Variants in LANCL2 observed in about 807,000 individuals in gnomAD.
LANCL2 encodes LanC like glutathione S-transferase 2.
LANCL2 carries 33 observed loss-of-function variants against 56.9 expected under a neutral mutation model. The ratio of observed to expected loss-of-function variants is 0.58; its 90% confidence interval spans 0.44 to 0.78. LANCL2 has a LOEUF of 0.78. LANCL2 is among the 30% of genes least tolerant of loss of function. The pLI, the probability that LANCL2 is intolerant of heterozygous loss-of-function variation, is 0.00. For missense variants in LANCL2, 562 were observed against 580.2 expected, an observed-to-expected ratio of 0.97 and a Z score of 0.32; for synonymous variants, 233 against 228.2, an observed-to-expected ratio of 1.02 and a Z score of -0.19.
At chr7:55,370,721 C>T (rs949954516) in intron 1 of LANCL2, among the ~76,000 whole-genome samples, 1 of 152,098 alleles carries the variant, frequency 6.6e-6, no homozygotes, top group Non-Finnish European at 1.5e-5. Flanking sequence ...TTTCTAGGCT[C>T]AGTTAGGGAA....
At chr7:55,366,427 C>A (rs1789871115) in intron 1 of LANCL2, among the ~76,000 whole-genome samples, 198 bp downstream of exon 1, 1 of 152,252 alleles carries the variant, frequency 6.6e-6, no homozygotes, top group Admixed American at 6.5e-5. Context: ...AACCACGTTC[C>A]AGCAGTTCGG....
At chr7:55,405,352 A>G (rs1434398067) in intron 5 of LANCL2, among the ~76,000 whole-genome samples, 1 of 152,218 alleles carries the variant, frequency 6.6e-6, no homozygotes, top group Admixed American at 6.5e-5. Flanking sequence ...GACTGAGTCC[A>G]CACCGTTCAA....
chr7:55,387,735 G>T (rs1790140858), intron 1 of LANCL2, among the ~76,000 whole-genome samples: 1 of 151,960 alleles, frequency 6.6e-6, no homozygotes, highest in African/African-American at 2.4e-5. Flanking sequence ...TCTCCTTCAT[G>T]AACCTTTTCA....
intron 1 of LANCL2, among the ~76,000 whole-genome samples, chr7:55,372,178 TTTCAG>T (rs1472011192): frequency 6.6e-6 from 1 of 152,228 alleles, no homozygotes; most frequent in African/African-American, 2.4e-5. Context: ...TCCAGCCAGT[TTTCAG>T]TTCCTGATGT....
At chr7:55,417,691 C>CT (rs544316117) in intron 6 of LANCL2, among the ~76,000 whole-genome samples, 5 of 151,196 alleles carry the variant, frequency 3.3e-5, no homozygotes, top group East Asian at 1.9e-4. Flanking sequence ...TAACTGACAT[C>CT]TTTTTTTTTG....
chr7:55,374,513 T>G (rs1202319794), intron 1 of LANCL2, among the ~76,000 whole-genome samples: 3 of 152,238 alleles, frequency 2.0e-5, no homozygotes, highest in Admixed American at 6.5e-5. Context: ...TTCACTACCA[T>G]CTAATTCTTT....
At chr7:55,370,444 C>A (rs972116645) in intron 1 of LANCL2, among the ~76,000 whole-genome samples, 2 of 152,188 alleles carry the variant, frequency 1.3e-5, no homozygotes, top group African/African-American at 4.8e-5. Context: ...ACTGTAGAGT[C>A]CTCAGCCAGG....
Position 55,433,461 on chromosome 7 carries a change from C to A in LANCL2, c.*2141C>A, listed in dbSNP as rs767647865. The stretch of plus-strand genomic sequence containing the variant: ...GTAACATGTGACAGTAATTCCAGCT[C>A]GGTCCCTCCAGGCAAAGGAGAAACG... On this transcript the variant is annotated 3_prime_UTR_variant, in exon 9 of 9. Transcript: ENST00000254770. 6.6e-6 allele frequency: 1 copy of A among 152,184 alleles called. No individual in the cohort carries two copies. The highest frequency in any genetic ancestry group is 2.4e-5 in the African/African-American group (1 of 41,446). 9.4% of individuals were successfully genotyped at this position (152,184 alleles called of 1,614,324 possible).
chr7:55,386,618 G>A (rs1013417026), intron 1 of LANCL2, among the ~76,000 whole-genome samples: 13 of 152,284 alleles, frequency 8.5e-5, no homozygotes, highest in Middle Eastern at 3.4e-3. Context: ...GAAGAAAGAC[G>A]GACTTTAGCT....
chr7:55,401,515 CTTTTTTTTTT>C (rs58005456), intron 5 of LANCL2, among the ~76,000 whole-genome samples, 195 bp downstream of exon 5: 40 of 58,040 alleles, frequency 6.9e-4, no homozygotes, highest in South Asian at 1.7e-3. Context: ...GGTATGGAGT[CTTTTTTTTTT>C]TTTTTTTTTT....
rs144459758 is a variant in LANCL2 at position 55,412,047 on chromosome 7, C to T, written c.966C>T (p.His322=). Residue 322 remains histidine (H), a synonymous_variant, in exon 6 of 9, where the codon CAC becomes CAT. Transcript: ENST00000254770. Reference sequence around the variant, plus strand: ...CAGACCGGCTGGTGCACTGGTGCCACGGCGCCCCGGGGGTCATCCACATGC... The same window carrying T: ...CAGACCGGCTGGTGCACTGGTGCCATGGCGCCCCGGGGGTCATCCACATGC... The part of the protein sequence containing the change: ...NETDRLVHWC[H]GAPGVIHMLM... The T allele has an allele frequency of 1.1e-5, 18 of 1,614,068 alleles. No homozygotes were observed. The East Asian group carries it at 2.7e-4, about 24-fold the overall frequency.
At chr7:55,410,751 C>T (rs768780580) in intron 5 of LANCL2, among the ~76,000 whole-genome samples, 2 of 152,034 alleles carry the variant, frequency 1.3e-5, no homozygotes, top group Non-Finnish European at 2.9e-5. Context: ...GCTAATATGT[C>T]ACCCTAAGAC....
Position 55,410,628 on chromosome 7 carries a change from A to G in LANCL2, c.826-1279A>G, listed in dbSNP as rs1790459829. ...AAAGCCAAGTGAAAAATCAGTGGCCAGAGGCGGGTTCTCTATCTCAGACTT... is the reference window on the plus strand; with the variant it reads ...AAAGCCAAGTGAAAAATCAGTGGCCGGAGGCGGGTTCTCTATCTCAGACTT... On this transcript the variant is annotated intron_variant, in intron 5 of 8. Transcript: ENST00000254770. Among the ~76,000 whole-genome samples the G allele has an allele frequency of 2.0e-5, 3 of 152,270 alleles. No homozygotes were observed. The South Asian group carries it at 6.2e-4, about 31-fold the overall frequency.
At chr7:55,428,560 TA>T in intron 8 of LANCL2, 113 bp downstream of exon 8, 1 of 796,264 alleles carries the variant, frequency 1.3e-6, no homozygotes, top group South Asian at 1.5e-5. Flanking sequence ...TTCCAAACTG[TA>T]AAATAATCAG....
In LANCL2 at chr7:55,366,029, G is replaced by A. The variant is rs1562853507; in HGVS notation, c.4G>A (p.Gly2Ser). The change falls in exon 1 of 9, where the codon GGC (glycine) becomes AGC (serine). Residue 2 changes from glycine (G) to serine (S), a missense_variant. Around this residue, in one of 2 missense-constraint regions of LANCL2, gnomAD observed 184 missense variants for 111.8 expected, o/e 1.65. Transcript: ENST00000254770. Reference protein sequence around the residue: MGETMSKRLKLH... With the variant: MSETMSKRLKLH... ...CGCGCGCCGTACCGCGGCGGAGATG[G>A]GCGAGACCATGTCAAAGAGGCTGAA... The A allele has an allele frequency of 6.8e-7, 1 of 1,476,742 alleles. No individual in the cohort carries two copies. The highest frequency in any genetic ancestry group is 9.0e-7 in the Non-Finnish European group (1 of 1,107,840). The allele number at this position is 1,476,742 out of a possible 1,614,324, so 91.5% of individuals were successfully genotyped here.
chr7:55,385,888 G>A (rs1467727274), intron 1 of LANCL2, among the ~76,000 whole-genome samples: 2 of 152,142 alleles, frequency 1.3e-5, no homozygotes, highest in Admixed American at 1.3e-4. Context: ...TACGCCTTGT[G>A]GGGGCCAGTT....
At chr7:55,393,287 C>T (rs1790212907) in intron 2 of LANCL2, among the ~76,000 whole-genome samples, 1 of 152,222 alleles carries the variant, frequency 6.6e-6, no homozygotes, top group Non-Finnish European at 1.5e-5. Flanking sequence ...ATCCAAAGCA[C>T]TTTGGGAGGC....
chr7:55,412,139 C>A, intron 6 of LANCL2, 50 bp downstream of exon 6: 5 of 1,557,984 alleles, frequency 3.2e-6, no homozygotes, highest in Non-Finnish European at 4.4e-6. Context: ...AGCCAGGTTT[C>A]CCTGTCAGGT....
At chr7:55,398,312 G>A (rs1456651111) in intron 2 of LANCL2, 111 bp from the exon 3 acceptor site, 3 of 781,928 alleles carry the variant, frequency 3.8e-6, no homozygotes, top group African/African-American at 1.7e-5. Flanking sequence ...TTACCCGTTT[G>A]GAAACATAGA....
Sources: allele counts gnomAD v4.1 joint callset (sites outside exome capture counted in the v4.1 genomes callset), GRCh38; gene constraint gnomAD v4.1.1; regional missense constraint gnomAD v4.1.1; transcripts MANE v1.5; gene names NCBI Gene and HGNC (gene_info 2026-07-23, HGNC 2026-07-21).